DPP9: variants seen among roughly 807,000 people sequenced by gnomAD.
The protein encoded by DPP9 is dipeptidyl peptidase 9, also known as dipeptidyl peptidase IV-related protein-2.
A neutral mutation model predicts 110.7 loss-of-function variants in DPP9; 50 were observed. The observed-to-expected ratio is 0.45, with a 90% CI of 0.36 to 0.57. DPP9 has a LOEUF of 0.57. DPP9 is among the 20% of genes least tolerant of loss of function. The pLI is 0.00. For synonymous variants in DPP9, 561 were observed against 514.4 expected, an observed-to-expected ratio of 1.09 and a Z score of -1.23; for missense variants, 1,022 against 1,217.9, an observed-to-expected ratio of 0.84 and a Z score of 2.39.
intron 7 of DPP9, 46 bp from the exon 8 acceptor site, chr19:4,702,762 T>A: frequency 7.9e-7 from 1 of 1,270,426 alleles, no homozygotes; most frequent in South Asian, 1.3e-5. Flanking sequence ...AGCAGCCTGC[T>A]AACACTGGGG....
Position 4,682,532 on chromosome 19 carries a change from ATG to A in DPP9, c.2474+162_2474+163del, listed in dbSNP as rs2090049129. ...TGGGCTGGAGGGGACTGTGAGGCAC[ATG>A]CAGGCAGACGCCACCACAGGAGCAC... On this transcript the variant is annotated intron_variant, in intron 20 of 21. Coordinates refer to ENST00000262960, the MANE Select transcript of DPP9 (RefSeq NM_139159.5). The surrounding 1 kb of genome is among the most constrained non-coding windows in gnomAD (Gnocchi z 7.1). Among the ~76,000 whole-genome samples, 1 of 152,146 alleles carries A rather than the reference ATG, an allele frequency of 6.6e-6. No homozygotes were observed. Among genetic ancestry groups the A allele is most frequent in the South Asian group, 2.1e-4 (1 of 4,828 alleles).
At chr19:4,711,673 T>C (rs917808329) in intron 4 of DPP9, among the ~76,000 whole-genome samples, 1 of 146,686 alleles carries the variant, frequency 6.8e-6, no homozygotes, top group East Asian at 2.0e-4. Context: ...CTCGGGAGGC[T>C]GAGGTAGGAG....
rs943439696 is a variant in DPP9 at position 4,684,237 on chromosome 19, T to C, written c.2178+426A>G. On this transcript the variant is annotated intron_variant, in intron 18 of 21. Transcript: ENST00000262960. The surrounding 1 kb of genome is among the most constrained non-coding windows in gnomAD (Gnocchi z 4.8). Reference sequence around the variant, plus strand: ...TGTAGGAAGCAGCACAGGGCCTCTCTGGAGGGTTGCTGACCAGGCAACCTC... The same window carrying C: ...TGTAGGAAGCAGCACAGGGCCTCTCCGGAGGGTTGCTGACCAGGCAACCTC... The C allele has an allele frequency of 7.4e-6, 2 of 270,828 alleles. No homozygotes were observed. The highest frequency in any genetic ancestry group is 4.9e-5 in the Admixed American group (1 of 20,354). 16.8% of individuals were successfully genotyped at this position (270,828 alleles called of 1,614,324 possible). A position where few individuals can be genotyped will look rare whatever the true frequency, so the allele number is the denominator to read the frequency against.
chr19:4,685,319 C>G lies in DPP9; in HGVS notation c.2031+307G>C, dbSNP rs1299626445. On this transcript the variant is annotated intron_variant, in intron 17 of 21. Coordinates refer to ENST00000262960, the MANE Select transcript of DPP9 (RefSeq NM_139159.5). The surrounding 1 kb of genome is among the most constrained non-coding windows in gnomAD (Gnocchi z 5.8). ...TGCTCCAGGAATTGGGCCCAGGGCC[C>G]ATGGCCACCTCCATACCAACCTGGA... 5.1e-6 allele frequency: 3 copies of G among 584,118 alleles called. No individual in the cohort carries two copies. Among genetic ancestry groups the G allele is most frequent in the Non-Finnish European group, 9.7e-6 (3 of 309,376 alleles). The allele number at this position is 584,118 out of a possible 1,614,324, so 36.2% of individuals were successfully genotyped here. A position where few individuals can be genotyped will look rare whatever the true frequency, so the allele number is the denominator to read the frequency against.
In DPP9 at chr19:4,679,448, T is replaced by C. The variant is rs559134768; in HGVS notation, c.2586+387A>G. On this transcript the variant is annotated intron_variant, in intron 21 of 21. Transcript: ENST00000262960. ...CAGGGAATGCTTGGCCCCAGCGCCT[T>C]AGGAAGGAGCCTGCTAGGGCCTTCA... The C allele has an allele frequency of 2.0e-4, 48 of 236,682 alleles. No individual in the cohort carries two copies. The East Asian group carries it at 5.5e-3, about 27-fold the overall frequency. The allele number at this position is 236,682 out of a possible 1,614,324, so 14.7% of individuals were successfully genotyped here.
chr19:4,689,350 G>C lies in DPP9; in HGVS notation c.1749+220C>G, dbSNP rs2145504091. Among the ~76,000 whole-genome samples, 1 of 152,328 alleles carries C rather than the reference G, an allele frequency of 6.6e-6. No individual in the cohort carries two copies. The highest frequency in any genetic ancestry group is 1.5e-5 in the Non-Finnish European group (1 of 68,012). On this transcript the variant is annotated intron_variant, in intron 15 of 21. Transcript: ENST00000262960. This position sits in a 1 kb window ranked among gnomAD's most constrained non-coding sequence, Gnocchi z 7.0. ...CCCCAGCTCAGCGGACGGGCACTGGGGGGCTCCACCACTTACTACCCTGGG... is the reference window on the plus strand; with the variant it reads ...CCCCAGCTCAGCGGACGGGCACTGGCGGGCTCCACCACTTACTACCCTGGG...
At position 4,694,010 on chromosome 19, in the gene DPP9, T is replaced by A. The variant is rs1462746899; in HGVS notation, c.1516+651A>T. On this transcript the variant is annotated intron_variant, in intron 13 of 21. Transcript: ENST00000262960. The surrounding 1 kb of genome is among the most constrained non-coding windows in gnomAD (Gnocchi z 4.0). ...GAGACGTCCTCATGCCCTCCCGTTGTAGAAAGAAGGCCCCTCACCCTCAAG... is the reference window on the plus strand; with the variant it reads ...GAGACGTCCTCATGCCCTCCCGTTGAAGAAAGAAGGCCCCTCACCCTCAAG... Among the ~76,000 whole-genome samples, 3 of 151,884 alleles carry A rather than the reference T, an allele frequency of 2.0e-5. No homozygotes were observed. Among genetic ancestry groups the A allele is most frequent in the African/African-American group, 7.2e-5 (3 of 41,396 alleles).
At chr19:4,722,591 G>A (rs1421982798) in intron 1 of DPP9, 40 bp from the exon 2 acceptor site, 9 of 702,328 alleles carry the variant, frequency 1.3e-5, no homozygotes, top group Non-Finnish European at 2.1e-5. Context: ...GCAGGTTAAT[G>A]GAAGCACCGG....
chr19:4,679,149 T>C (rs1162702942), intron 21 of DPP9: 1 of 124,002 alleles, frequency 8.1e-6, no homozygotes, highest in Non-Finnish European at 1.7e-5. Context: ...CCCTCTCCAC[T>C]ACCGAGGCCC....
intron 3 of DPP9, chr19:4,715,567 G>A (rs2093037336): frequency 6.6e-6 from 1 of 152,132 alleles, no homozygotes; most frequent in Non-Finnish European, 1.5e-5. Flanking sequence ...ATTCCACGGA[G>A]CACTGTGGAA....
intron 21 of DPP9, 37 bp downstream of exon 21, chr19:4,679,798 G>T (rs1287103916): frequency 1.3e-6 from 2 of 1,501,894 alleles, no homozygotes; most frequent in African/African-American, 1.4e-5. Context: ...GGATCTGTCG[G>T]CTCGCGGAGG....
intron 10 of DPP9, 93 bp from the exon 11 acceptor site, chr19:4,697,744 C>T: frequency 3.0e-6 from 3 of 1,014,926 alleles, no homozygotes; most frequent in South Asian, 1.5e-5. Context: ...TCATGTCCCC[C>T]CCAAATTCAT....
chr19:4,687,543 C>T lies in DPP9; in HGVS notation c.1885+1214G>A, dbSNP rs546504039. Among the ~76,000 whole-genome samples, 1 of 152,350 alleles carries T rather than the reference C, an allele frequency of 6.6e-6. No homozygotes were observed. The highest frequency in any genetic ancestry group is 6.5e-5 in the Admixed American group (1 of 15,308). The stretch of plus-strand genomic sequence containing the variant: ...GGCAAGGTGTCAGGTTGCCTCATTT[C>T]CTGAGGCCCCCCTGTGACTGACCCT... On this transcript the variant is annotated intron_variant, in intron 16 of 21. Coordinates refer to ENST00000262960, the MANE Select transcript of DPP9 (RefSeq NM_139159.5). The surrounding 1 kb of genome is among the most constrained non-coding windows in gnomAD (Gnocchi z 4.7).
intron 4 of DPP9, among the ~76,000 whole-genome samples, chr19:4,712,483 C>T (rs2092881645): frequency 6.6e-6 from 1 of 152,170 alleles, no homozygotes; most frequent in East Asian, 1.9e-4. Flanking sequence ...CCAGGGATTT[C>T]CAGGCTGCAG....
In DPP9 at chr19:4,696,498, C is replaced by T. The variant is rs573395386; in HGVS notation, c.1176-943G>A. On this transcript the variant is annotated intron_variant, in intron 11 of 21. Coordinates refer to ENST00000262960, the MANE Select transcript of DPP9 (RefSeq NM_139159.5). ...AAAAAAGTCCAGGCACAGTGGCTCA[C>T]GCTTGTAATCCCAGCACTTTGGGAA... 9.9e-5 allele frequency among the ~76,000 whole-genome samples: 15 copies of T among 151,854 alleles called. No homozygotes were observed. The South Asian group carries it at 1.0e-3, about 11-fold the overall frequency.
At position 4,683,532 on chromosome 19, in the gene DPP9, G is replaced by C; in HGVS notation, c.2276C>G (p.Ser759Cys). The change falls in exon 19 of 22, where the codon TCC (serine) becomes TGC (cysteine). Residue 759 changes from serine (S) to cysteine (C), a missense_variant. Physicochemically the swap from Ser to Cys is moderately radical, Grantham distance 112 (BLOSUM62 -1). This residue lies in a region of DPP9 where 209 missense variants were observed against 280.4 expected (regional missense o/e 0.75). Coordinates refer to ENST00000262960, the MANE Select transcript of DPP9 (RefSeq NM_139159.5). ...CATGAGCGAGAGGAAGCCCCCGTAG[G>C]ACCAGCCATGGATGGCAACTCGGCT... The part of the protein sequence containing the change: ...DLSRVAIHGW[S>C]YGGFLSLMGL... 1 of 1,613,356 alleles carries C rather than the reference G, an allele frequency of 6.2e-7. No individual in the cohort carries two copies. The highest frequency in any genetic ancestry group is 8.5e-7 in the Non-Finnish European group (1 of 1,179,854).
At chr19:4,722,141 G>C (rs1183977732) in intron 2 of DPP9, 5 of 262,030 alleles carry the variant, frequency 1.9e-5, no homozygotes, top group East Asian at 8.3e-5. Flanking sequence ...CCACAGGAAG[G>C]GGGAGACTCA....
chr19:4,709,815 A>C (rs2092748062), intron 4 of DPP9, among the ~76,000 whole-genome samples: 1 of 150,812 alleles, frequency 6.6e-6, no homozygotes, highest in Non-Finnish European at 1.5e-5. Flanking sequence ...ACCCTGGGCC[A>C]ACAGGAGGGG....
chr19:4,692,627 G>A (rs1403571048), intron 13 of DPP9, among the ~76,000 whole-genome samples: 1 of 152,172 alleles, frequency 6.6e-6, no homozygotes, highest in Non-Finnish European at 1.5e-5. Flanking sequence ...GGGGGTCCCT[G>A]GGGGCACTGC....
Sources: allele counts gnomAD v4.1 joint callset (sites outside exome capture counted in the v4.1 genomes callset), GRCh38; gene constraint gnomAD v4.1.1; regional missense constraint gnomAD v4.1.1; non-coding constraint Gnocchi (gnomAD v3.1); transcripts MANE v1.5; gene names NCBI Gene and HGNC (gene_info 2026-07-23, HGNC 2026-07-21).